RALGAPA1: variants seen among roughly 807,000 people sequenced by gnomAD.
The protein encoded by RALGAPA1 is Ral GTPase activating protein catalytic subunit alpha 1.
Under a neutral mutation model 269.6 loss-of-function variants are expected in RALGAPA1, and 52 were observed. The ratio of observed to expected loss-of-function variants is 0.19; its 90% CI spans 0.15 to 0.24. The LOEUF is 0.24. Ranked by LOEUF, RALGAPA1 falls within the 10% of genes least tolerant of loss-of-function variation. RALGAPA1 has a pLI of 1.00. For synonymous variants in RALGAPA1, 817 were observed against 1,008.3 expected, an observed-to-expected ratio of 0.81 and a Z score of 3.60; for missense variants, 1,917 against 3,013.9, an observed-to-expected ratio of 0.64 and a Z score of 8.52.
At chr14:35,668,701 G>T (rs2064156709) in intron 26 of RALGAPA1, among the ~76,000 whole-genome samples, 1 of 152,036 alleles carries the variant, frequency 6.6e-6, no homozygotes, top group South Asian at 2.1e-4. Context: ...AGCTACTTGG[G>T]ATCTGTTGTG....
chr14:35,711,887 C>G (rs1370982875), intron 16 of RALGAPA1, among the ~76,000 whole-genome samples: 2 of 152,216 alleles, frequency 1.3e-5, no homozygotes, highest in Non-Finnish European at 2.9e-5. Context: ...ATTTCACTAT[C>G]CACAAGCTAT....
At chr14:35,582,943 C>T (rs2058046127) in intron 37 of RALGAPA1, among the ~76,000 whole-genome samples, 1 of 152,100 alleles carries the variant, frequency 6.6e-6, no homozygotes, top group Non-Finnish European at 1.5e-5. Context: ...ATACTGAAAC[C>T]TAATGATGGG....
intron 35 of RALGAPA1, among the ~76,000 whole-genome samples, chr14:35,621,700 A>G (rs2060640857): frequency 3.3e-5 from 5 of 152,230 alleles, no homozygotes; most frequent in Admixed American, 3.3e-4. Flanking sequence ...AAAAGTGGGC[A>G]AAGGATATGA....
intron 10 of RALGAPA1, among the ~76,000 whole-genome samples, chr14:35,746,489 C>A (rs1403137495): frequency 1.3e-5 from 2 of 152,104 alleles, no homozygotes; most frequent in African/African-American, 4.8e-5. Flanking sequence ...CCGCAATGTA[C>A]AGGTATATCA....
intron 16 of RALGAPA1, among the ~76,000 whole-genome samples, chr14:35,705,905 T>C (rs182801769): frequency 5.9e-5 from 9 of 152,344 alleles, no homozygotes; most frequent in South Asian, 2.1e-4. Context: ...ACATACGATG[T>C]TGAGTATCTT....
At chr14:35,579,729 A>G (rs1441911240) in intron 37 of RALGAPA1, among the ~76,000 whole-genome samples, 1 of 152,102 alleles carries the variant, frequency 6.6e-6, no homozygotes, top group Non-Finnish European at 1.5e-5. Flanking sequence ...TGTTTTCTCA[A>G]TCCTCTATTC....
At chr14:35,568,320 A>C (rs1306254628) in intron 39 of RALGAPA1, among the ~76,000 whole-genome samples, 1 of 152,184 alleles carries the variant, frequency 6.6e-6, no homozygotes, top group Non-Finnish European at 1.5e-5. Flanking sequence ...GGTAAGTATA[A>C]TGAAATTTTC....
At chr14:35,601,967 C>A (rs1055934149) in intron 36 of RALGAPA1, among the ~76,000 whole-genome samples, 1 of 152,200 alleles carries the variant, frequency 6.6e-6, no homozygotes, top group Non-Finnish European at 1.5e-5. Context: ...GTTGTCACCC[C>A]CCTCCTCCCT....
At chr14:35,789,316 A>G (rs1178405579) in intron 1 of RALGAPA1, among the ~76,000 whole-genome samples, 1 of 151,922 alleles carries the variant, frequency 6.6e-6, no homozygotes, top group East Asian at 1.9e-4. Flanking sequence ...CTAATGCCTG[A>G]TTGGTGGTGG....
chr14:35,632,089 T>G (rs1459922248), intron 33 of RALGAPA1, among the ~76,000 whole-genome samples: 1 of 152,192 alleles, frequency 6.6e-6, no homozygotes, highest in East Asian at 1.9e-4. Context: ...CTGCCCTAAG[T>G]TGCTTCTCTA....
At chr14:35,580,875 G>T (rs2057904287) in intron 37 of RALGAPA1, among the ~76,000 whole-genome samples, 3 of 152,068 alleles carry the variant, frequency 2.0e-5, no homozygotes, top group Admixed American at 2.0e-4. Flanking sequence ...TTAATTAGAG[G>T]TATTAAACTC....
intron 21 of RALGAPA1, among the ~76,000 whole-genome samples, chr14:35,683,207 T>C (rs536102536): frequency 6.6e-6 from 1 of 152,294 alleles, no homozygotes; most frequent in South Asian, 2.1e-4. Context: ...TTCACTAACA[T>C]TGCAATAATG....
At chr14:35,569,212 A>C (rs1429824996) in intron 39 of RALGAPA1, among the ~76,000 whole-genome samples, 1 of 152,226 alleles carries the variant, frequency 6.6e-6, no homozygotes, top group African/African-American at 2.4e-5. Context: ...TAAGATAATA[A>C]ATCTATTTCA....
At chr14:35,786,742 G>A (rs1417620945) in intron 1 of RALGAPA1, among the ~76,000 whole-genome samples, 2 of 152,058 alleles carry the variant, frequency 1.3e-5, no homozygotes, top group Non-Finnish European at 2.9e-5. Flanking sequence ...TTAAGGTCGA[G>A]GCCTAATATC....
At chr14:35,567,607 G>A (rs1037698030) in intron 39 of RALGAPA1, among the ~76,000 whole-genome samples, 1 of 151,942 alleles carries the variant, frequency 6.6e-6, no homozygotes, top group Admixed American at 6.6e-5. Flanking sequence ...TATACCTTTA[G>A]TGTAACATGA....
chr14:35,647,008 A>T (rs767246179), intron 31 of RALGAPA1, among the ~76,000 whole-genome samples: 9 of 152,192 alleles, frequency 5.9e-5, no homozygotes, highest in Non-Finnish European at 1.3e-4. Flanking sequence ...GTTTCTAACT[A>T]AAAACAGTAT....
chr14:35,670,662 C>A (rs56112669), intron 26 of RALGAPA1, among the ~76,000 whole-genome samples: 32 of 152,284 alleles, frequency 2.1e-4, no homozygotes, highest in Middle Eastern at 3.4e-3. Flanking sequence ...CGGTGGCTCA[C>A]GCCTGTAATC....
In RALGAPA1 at chr14:35,671,449, T is replaced by G. The variant is rs2064425219; in HGVS notation, c.5142A>C (p.Thr1714=). The part of the protein sequence containing the change: ...QFFSLGLPGA[T]MLIMDFIVAA... Reference sequence around the variant, plus strand: ...CTACAATAAAATCCATAATAAGCATTGTGGCACCAGGCAAACCAAGTGAAA... The same window carrying G: ...CTACAATAAAATCCATAATAAGCATGGTGGCACCAGGCAAACCAAGTGAAA... The change falls in exon 26 of 42, where the codon ACA becomes ACC. Residue 1714 remains threonine (T), a synonymous_variant. Coordinates refer to ENST00000680220, the MANE Select transcript of RALGAPA1 (RefSeq NM_001346249.2). 1 of 1,611,258 alleles carries G rather than the reference T, an allele frequency of 6.2e-7. No individual in the cohort carries two copies. Among genetic ancestry groups the G allele is most frequent in the South Asian group, 1.1e-5 (1 of 90,968 alleles).
intron 35 of RALGAPA1, among the ~76,000 whole-genome samples, chr14:35,615,568 TTTTC>T (rs1306929706): frequency 6.6e-6 from 1 of 152,192 alleles, no homozygotes; most frequent in Non-Finnish European, 1.5e-5. Context: ...AACTATGTAG[TTTTC>T]TTTAAAATTA....
Sources: allele counts gnomAD v4.1 joint callset (sites outside exome capture counted in the v4.1 genomes callset), GRCh38; gene constraint gnomAD v4.1.1; transcripts MANE v1.5; gene names NCBI Gene and HGNC (gene_info 2026-07-23, HGNC 2026-07-21).